Variants in GALNT18 observed in about 807,000 individuals in gnomAD.
GALNT18 encodes polypeptide N-acetylgalactosaminyltransferase 18, also known as GalNAc-transferase 18.
GALNT18 carries 44 observed loss-of-function variants against 69.5 expected under a neutral mutation model. That is an observed-to-expected ratio of 0.63 (90% CI 0.50 to 0.81). The LOEUF (loss-of-function observed/expected upper bound fraction) is 0.81, where lower values mean the gene tolerates loss of function less well. Among genes scored for constraint, GALNT18 ranks in the 40% least tolerant of loss-of-function variants. The pLI is 0.00. For synonymous variants in GALNT18, 364 were observed against 318.2 expected (o/e 1.14, Z -1.53); for missense variants, 715 against 810.0 (o/e 0.88, Z 1.42).
At chr11:11,378,377 G>T (rs752520944) in intron 4 of GALNT18, among the ~76,000 whole-genome samples, 18 of 152,318 alleles carry the variant, frequency 1.2e-4, no homozygotes, top group Middle Eastern at 3.4e-3. Flanking sequence ...CATTGCCAGA[G>T]CCTGTGTCTC....
rs1346884602 is a variant in GALNT18 at position 11,463,520 on chromosome 11, CT to C, written c.236-14585del. Among the ~76,000 whole-genome samples the C allele has an allele frequency of 6.6e-6, 1 of 152,206 alleles. No homozygotes were observed. The highest frequency in any genetic ancestry group is 2.4e-5 in the African/African-American group (1 of 41,462). Reference sequence around the variant, plus strand: ...CTTACACGTCCCCTGGGAGCCCTAGCTGTTGTGGCCCCAGGGCTGAGCGTGC... The same window carrying C: ...CTTACACGTCCCCTGGGAGCCCTAGCGTTGTGGCCCCAGGGCTGAGCGTGC... On this transcript the variant is annotated intron_variant, in intron 1 of 10. Coordinates refer to ENST00000227756, the MANE Select transcript of GALNT18 (RefSeq NM_198516.3). This position sits in a 1 kb window ranked among gnomAD's most constrained non-coding sequence, Gnocchi z 4.2.
intron 1 of GALNT18, among the ~76,000 whole-genome samples, chr11:11,550,486 G>A (rs1858162500): frequency 6.6e-6 from 1 of 152,150 alleles, no homozygotes; most frequent in Admixed American, 6.5e-5. Context: ...TGTCACACAG[G>A]GCTCTTCTGA....
chr11:11,612,254 T>A (rs1436230651), intron 1 of GALNT18, among the ~76,000 whole-genome samples: 6 of 152,238 alleles, frequency 3.9e-5, no homozygotes, highest in African/African-American at 1.4e-4. Context: ...TTTTATTTGT[T>A]CATTGAAATA....
intron 1 of GALNT18, among the ~76,000 whole-genome samples, chr11:11,499,800 A>T (rs1311049778): frequency 6.6e-6 from 1 of 152,244 alleles, no homozygotes; most frequent in Admixed American, 6.5e-5. Context: ...GTACTGACAC[A>T]GCACAGGAAA....
chr11:11,492,949 G>C (rs1378256884), intron 1 of GALNT18, among the ~76,000 whole-genome samples: 1 of 152,046 alleles, frequency 6.6e-6, no homozygotes, highest in African/African-American at 2.4e-5. Flanking sequence ...TGAAGTTCCA[G>C]AGCAGAAAGG....
rs920669730 is a variant in GALNT18, at chr11:11,608,504, C to A, written c.235+12855G>T. Among the ~76,000 whole-genome samples the A allele has an allele frequency of 3.9e-5, 6 of 151,956 alleles. No homozygotes were observed. The East Asian group carries it at 1.2e-3, about 29-fold the overall frequency. On this transcript the variant is annotated intron_variant, in intron 1 of 10. Coordinates refer to ENST00000227756, the MANE Select transcript of GALNT18 (RefSeq NM_198516.3). Reference sequence around the variant, plus strand: ...TCTCCTGAGTAGCCAGGATTACAGGCACCTGCCACCAGGCCCAGCTAATTT... The same window carrying A: ...TCTCCTGAGTAGCCAGGATTACAGGAACCTGCCACCAGGCCCAGCTAATTT...
At position 11,439,816 on chromosome 11, in the gene GALNT18, C is replaced by T. The variant is rs372692472; in HGVS notation, c.429-7029G>A. ...ATGGGAATGGAATCACTGAGTTGTA[C>T]ATTTACTCCCTGCCTGACTGCAGCA... On this transcript the variant is annotated intron_variant, in intron 2 of 10. Transcript: ENST00000227756. The surrounding 1 kb of genome is among the most constrained non-coding windows in gnomAD (Gnocchi z 4.4). Among the ~76,000 whole-genome samples the T allele has an allele frequency of 2.8e-4, 43 of 152,306 alleles. No individual in the cohort carries two copies. Among genetic ancestry groups the T allele is most frequent in the African/African-American group, 1.0e-3 (43 of 41,564 alleles).
intron 6 of GALNT18, among the ~76,000 whole-genome samples, chr11:11,371,951 G>A (rs1850917258): frequency 1.3e-5 from 2 of 152,216 alleles, no homozygotes; most frequent in Non-Finnish European, 2.9e-5. Context: ...TTTGAGGCAG[G>A]AGAATGGCGT....
At chr11:11,516,061 A>G (rs1010931077) in intron 1 of GALNT18, among the ~76,000 whole-genome samples, 3 of 152,164 alleles carry the variant, frequency 2.0e-5, no homozygotes, top group African/African-American at 7.2e-5. Flanking sequence ...CTGGGCCCTG[A>G]GTGTGACAGG....
In GALNT18 at chr11:11,347,262, A is replaced by G. The variant is rs1401051384; in HGVS notation, c.1093-6258T>C. ...AATGATGCCCAGTACTTGAGACACA[A>G]CTGAGAGTTGTAAATTGGGTTAAAA... On this transcript the variant is annotated intron_variant, in intron 6 of 10. Transcript: ENST00000227756. The surrounding 1 kb of genome is among the most constrained non-coding windows in gnomAD (Gnocchi z 4.0). Among the ~76,000 whole-genome samples, 1 of 152,250 alleles carries G rather than the reference A, an allele frequency of 6.6e-6. No homozygotes were observed. The highest frequency in any genetic ancestry group is 1.5e-5 in the Non-Finnish European group (1 of 68,046).
In GALNT18 at chr11:11,577,071, C is replaced by T. The variant is rs1858942842; in HGVS notation, c.235+44288G>A. Reference sequence around the variant, plus strand: ...CTCACGTATCTGCAGCGCTGGCTGGCTGTGTGCCCTGAGCTCAGTTTCCTC... The same window carrying T: ...CTCACGTATCTGCAGCGCTGGCTGGTTGTGTGCCCTGAGCTCAGTTTCCTC... On this transcript the variant is annotated intron_variant, in intron 1 of 10. Transcript: ENST00000227756. Among the ~76,000 whole-genome samples, 5 of 152,202 alleles carry T rather than the reference C, an allele frequency of 3.3e-5. No homozygotes were observed. The South Asian group carries it at 1.0e-3, about 32-fold the overall frequency.
chr11:11,526,563 G>A (rs1317554726), intron 1 of GALNT18, among the ~76,000 whole-genome samples: 1 of 151,988 alleles, frequency 6.6e-6, no homozygotes, highest in African/African-American at 2.4e-5. Context: ...GGGAGAGCTG[G>A]TTATATTGCA....
chr11:11,516,574 T>C (rs980295394), intron 1 of GALNT18, among the ~76,000 whole-genome samples: 3 of 152,306 alleles, frequency 2.0e-5, no homozygotes, highest in Middle Eastern at 6.8e-3. Context: ...GAGGTTGCAG[T>C]GAGCCCAGAT....
chr11:11,559,927 CAAT>C (rs1858434833), intron 1 of GALNT18, among the ~76,000 whole-genome samples: 10 of 8,116 alleles, frequency 1.2e-3, no homozygotes, highest in African/African-American at 1.5e-3. Flanking sequence ...GAATGAGATA[CAAT>C]GTGATGGGAT....
chr11:11,276,776 T>G (rs981471656), intron 10 of GALNT18, among the ~76,000 whole-genome samples: 1 of 152,168 alleles, frequency 6.6e-6, no homozygotes, highest in Non-Finnish European at 1.5e-5. Flanking sequence ...AATCATGTGG[T>G]TTTTGTCACT....
rs1564901271 is a variant in GALNT18 at position 11,340,894 on chromosome 11, GT to G, written c.1202del (p.Asn401ThrfsTer61). The G allele has an allele frequency of 6.2e-7, 1 of 1,614,066 alleles. No individual in the cohort carries two copies. ...TEDLTAHVRR[N>X]ALRVAEVWMD... ...TCCAGACTTCAGCCACCCTGAGAGC[GT>G]TCCTGCGGACATGGGCGGTGAGGTC... On this transcript the variant is annotated frameshift_variant, in exon 7 of 11. Coordinates refer to ENST00000227756, the MANE Select transcript of GALNT18 (RefSeq NM_198516.3). LOFTEE classifies it high-confidence loss of function. The surrounding 1 kb of genome is among the most constrained non-coding windows in gnomAD (Gnocchi z 4.2).
rs968828508 is a variant in GALNT18, at chr11:11,413,589, C to T, written c.595+19032G>A. On this transcript the variant is annotated intron_variant, in intron 3 of 10. Transcript: ENST00000227756. The surrounding 1 kb of genome is among the most constrained non-coding windows in gnomAD (Gnocchi z 4.7). ...CAATTGAAGTAACTCACTGAGGTGT[C>T]AGCTTATATCAGAGCCACTCCTTCC... 6.6e-6 allele frequency among the ~76,000 whole-genome samples: 1 copy of T among 152,174 alleles called. No homozygotes were observed. The highest frequency in any genetic ancestry group is 1.5e-5 in the Non-Finnish European group (1 of 68,032).
rs1254023280 is a variant in GALNT18, at chr11:11,410,332, T to C, written c.595+22289A>G. Among the ~76,000 whole-genome samples, 4 of 152,146 alleles carry C rather than the reference T, an allele frequency of 2.6e-5. No individual in the cohort carries two copies. In the East Asian group the frequency reaches 7.7e-4, roughly 29 times the overall value. On this transcript the variant is annotated intron_variant, in intron 3 of 10. Transcript: ENST00000227756. ...GATGAAACTGCTCAAATTACCCACT[T>C]TGAGAGTGCCACCTGCTCCTTGCCA...
chr11:11,575,990 G>A (rs1470275377), intron 1 of GALNT18, among the ~76,000 whole-genome samples: 2 of 152,140 alleles, frequency 1.3e-5, no homozygotes, highest in Non-Finnish European at 2.9e-5. Context: ...CCCCAATTTC[G>A]CAGAAGAAAC....
Sources: gnomAD v4.1 joint callset for allele counts (sites outside exome capture counted in the v4.1 genomes callset) on GRCh38, gnomAD v4.1.1 for gene constraint, Gnocchi (gnomAD v3.1) non-coding constraint, MANE v1.5 for transcripts, NCBI Gene and HGNC (gene_info 2026-07-23, HGNC 2026-07-21) for gene names.